TNIP3: variants seen among roughly 807,000 people sequenced by gnomAD.
The protein encoded by TNIP3 is TNFAIP3-interacting protein 3.
In TNIP3, 34 loss-of-function variants were observed where a neutral mutation model predicts 54.1. The ratio of observed to expected loss-of-function variants is 0.63; its 90% confidence interval spans 0.48 to 0.84. The LOEUF (loss-of-function observed/expected upper bound fraction) is 0.84, where lower values mean the gene tolerates loss of function less well. Ranked by LOEUF, TNIP3 falls within the 40% of genes least tolerant of loss-of-function variation. TNIP3 has a pLI of 0.00. For missense variants in TNIP3, 366 were observed against 387.6 expected, an observed-to-expected ratio of 0.94 and a Z score of 0.47; for synonymous variants, 134 against 136.8, an observed-to-expected ratio of 0.98 and a Z score of 0.14.
chr4:121,196,598 A>C (rs1251648613), intron 2 of TNIP3, among the ~76,000 whole-genome samples: 1 of 152,120 alleles, frequency 6.6e-6, no homozygotes, highest in East Asian at 1.9e-4. Flanking sequence ...GATATAAAGT[A>C]TATACAGCTT....
chr4:121,132,701 T>C (rs769752225), intron 10 of TNIP3, 39 bp from the exon 11 acceptor site: 1 of 1,558,964 alleles, frequency 6.4e-7, no homozygotes, highest in Non-Finnish European at 8.8e-7. Context: ...GATTAAAAAT[T>C]AACATTTCAT....
At chr4:121,207,544 A>G (rs1255584263) in intron 2 of TNIP3, among the ~76,000 whole-genome samples, 2 of 152,350 alleles carry the variant, frequency 1.3e-5, no homozygotes, top group East Asian at 1.9e-4. Flanking sequence ...TTATTTAACT[A>G]CTTTAACACT....
At chr4:121,169,733 A>G (rs1454892514) in intron 3 of TNIP3, among the ~76,000 whole-genome samples, 1 of 152,042 alleles carries the variant, frequency 6.6e-6, no homozygotes, top group Non-Finnish European at 1.5e-5. Flanking sequence ...CTAGTAAATC[A>G]CCTCTCTTTG....
At position 121,200,898 on chromosome 4, in the gene TNIP3, T is replaced by C. The variant is rs562309120; in HGVS notation, c.68+15517A>G. Among the ~76,000 whole-genome samples, 6 of 152,186 alleles carry C rather than the reference T, an allele frequency of 3.9e-5. No individual in the cohort carries two copies. The South Asian group carries it at 1.2e-3, about 32-fold the overall frequency. ...GAAAATCACTTATCATGGGTAGAAA[T>C]AAACCCGGAGGGAAGTGTCACAAAG... On this transcript the variant is annotated intron_variant, in intron 2 of 12. Coordinates refer to the TNIP3 transcript ENST00000507879.
At position 121,163,841 on chromosome 4, in the gene TNIP3, G is replaced by A. The variant is rs56861192; in HGVS notation, c.66+219C>T. Among the ~76,000 whole-genome samples the A allele has an allele frequency of 2.9e-3, 433 of 150,184 alleles. 3 individuals are homozygous for A. The highest frequency in any genetic ancestry group is 0.01 in the African/African-American group (412 of 39,622). On this transcript the variant is annotated intron_variant, in intron 1 of 10. Transcript: ENST00000057513. Reference sequence around the variant, plus strand: ...AAATAAGGAACCCACAGAACTGGAAGGCTGAAAGGAATTTAAGCCCCGTGG... The same window carrying A: ...AAATAAGGAACCCACAGAACTGGAAAGCTGAAAGGAATTTAAGCCCCGTGG...
intron 2 of TNIP3, chr4:121,216,292 A>G (rs759436890): frequency 1.0e-5 from 8 of 793,440 alleles, no homozygotes; most frequent in African/African-American, 5.2e-5. Context: ...TTTCTATTCT[A>G]TATAGCTCCA....
chr4:121,225,574 G>A (rs1727222781), intron 1 of TNIP3, among the ~76,000 whole-genome samples: 1 of 152,144 alleles, frequency 6.6e-6, no homozygotes, highest in Non-Finnish European at 1.5e-5. Context: ...ATGAGTAATA[G>A]GTGTTCCTCT....
upstream of TNIP3, among the ~76,000 whole-genome samples, chr4:121,219,082 C>G (rs1033484953): frequency 6.6e-6 from 1 of 152,042 alleles, no homozygotes; most frequent in Admixed American, 6.5e-5. Flanking sequence ...CACCTGTAAT[C>G]CCAGCTACTC....
intron 2 of TNIP3, among the ~76,000 whole-genome samples, chr4:121,186,229 G>T (rs13106137): frequency 0.24 from 36,130 of 152,068 alleles, 4,511 homozygotes; most frequent in African/African-American, 0.29. Flanking sequence ...ACCAGACGTG[G>T]GGGGGTTTGG....
intron 2 of TNIP3, among the ~76,000 whole-genome samples, chr4:121,160,857 T>G (rs1015851474): frequency 2.6e-5 from 4 of 152,176 alleles, no homozygotes; most frequent in Non-Finnish European, 5.9e-5. Context: ...TTGGTCTGTG[T>G]GGAGGAAACA....
chr4:121,193,786 A>T (rs1157171031), intron 2 of TNIP3, among the ~76,000 whole-genome samples: 2 of 152,164 alleles, frequency 1.3e-5, no homozygotes, highest in Non-Finnish European at 2.9e-5. Flanking sequence ...CCAAACTATG[A>T]TCATATGACA....
chr4:121,171,692 C>A (rs112771822), intron 3 of TNIP3, among the ~76,000 whole-genome samples: 4,691 of 152,176 alleles, frequency 0.031, 101 homozygotes, highest in Admixed American at 0.038. Context: ...TTTCTCAGTT[C>A]TCATGAGGAA....
chr4:121,170,696 C>A (rs923528088), intron 3 of TNIP3, among the ~76,000 whole-genome samples: 8 of 152,142 alleles, frequency 5.3e-5, no homozygotes, highest in African/African-American at 1.9e-4. Flanking sequence ...ATACTTTCTA[C>A]ATTTTCATGG....
chr4:121,153,087 C>T (rs1399971942), intron 5 of TNIP3, among the ~76,000 whole-genome samples: 1 of 152,092 alleles, frequency 6.6e-6, no homozygotes, highest in East Asian at 1.9e-4. Context: ...TGAGAGGTGA[C>T]ATTTGTATAA....
chr4:121,225,552 G>A lies in TNIP3; in HGVS notation c.3+1833C>T, dbSNP rs182157497. 2.0e-5 allele frequency among the ~76,000 whole-genome samples: 3 copies of A among 152,236 alleles called. No individual in the cohort carries two copies. In the East Asian group the frequency reaches 5.8e-4, roughly 29 times the overall value. On this transcript the variant is annotated intron_variant, in intron 1 of 12. Coordinates refer to the TNIP3 transcript ENST00000509841. ...CAAACTGTCACAACTCCAAACAGAT[G>A]GGAGTACAACTATGAGTAATAGGTG...
chr4:121,133,143 T>C (rs541501157), intron 10 of TNIP3, among the ~76,000 whole-genome samples: 1 of 152,328 alleles, frequency 6.6e-6, no homozygotes, highest in East Asian at 1.9e-4. Context: ...ATCTGGAATA[T>C]TTTGATTGAG....
At chr4:121,219,466 G>C (rs1726942260), upstream of TNIP3, among the ~76,000 whole-genome samples, 1 of 152,164 alleles carries the variant, frequency 6.6e-6, no homozygotes, top group South Asian at 2.1e-4. Context: ...ATCATAAGCT[G>C]TTTGATTGTT....
At chr4:121,170,834 A>C (rs1274828079) in intron 3 of TNIP3, among the ~76,000 whole-genome samples, 1 of 151,504 alleles carries the variant, frequency 6.6e-6, no homozygotes, top group African/African-American at 2.4e-5. Context: ...TTTTTTTTTA[A>C]AGAAGGAATC....
chr4:121,214,205 C>T (rs1050824497), intron 2 of TNIP3, among the ~76,000 whole-genome samples: 7 of 152,162 alleles, frequency 4.6e-5, no homozygotes, highest in Non-Finnish European at 5.9e-5. Flanking sequence ...ACATGGACCG[C>T]GGCCCCTGCC....
Sources: allele counts gnomAD v4.1 joint callset (sites outside exome capture counted in the v4.1 genomes callset), GRCh38; gene constraint gnomAD v4.1.1; transcripts MANE v1.5; gene names NCBI Gene and HGNC (gene_info 2026-07-23, HGNC 2026-07-21).